The following DAB2IP variants were observed in gnomAD, a reference collection of about 807,000 sequenced individuals.
DAB2IP encodes DAB2 interacting protein, also known as disabled homolog 2-interacting protein.
DAB2IP carries 28 observed loss-of-function variants against 107.2 expected under a neutral mutation model. The ratio of observed to expected loss-of-function variants is 0.26; its 90% CI spans 0.19 to 0.36. DAB2IP has a LOEUF of 0.36. Among genes scored for constraint, DAB2IP ranks in the 10% least tolerant of loss-of-function variants. DAB2IP has a pLI of 1.00. For synonymous variants in DAB2IP, 755 were observed against 706.4 expected (o/e 1.07, Z -1.09); for missense variants, 1,400 against 1,644.7 (o/e 0.85, Z 2.57).
At chr9:121,729,494 C>T (rs1805120055) in intron 3 of DAB2IP, among the ~76,000 whole-genome samples, 2 of 152,190 alleles carry the variant, frequency 1.3e-5, no homozygotes, top group Non-Finnish European at 2.9e-5. Context: ...GGCAGCAGCT[C>T]CTCCATGTTC....
intron 3 of DAB2IP, among the ~76,000 whole-genome samples, chr9:121,743,583 G>A (rs1281041558): frequency 7.9e-5 from 12 of 152,228 alleles, no homozygotes; most frequent in Admixed American, 6.5e-4. Context: ...TAGTCCCAGC[G>A]GACAGGGCTG....
At chr9:121,595,146 C>A (rs1830501773) in intron 1 of DAB2IP, among the ~76,000 whole-genome samples, 1 of 151,978 alleles carries the variant, frequency 6.6e-6, no homozygotes, top group Admixed American at 6.6e-5. Flanking sequence ...CTAGGTATTT[C>A]CCAGAAAGGA....
intron 1 of DAB2IP, among the ~76,000 whole-genome samples, chr9:121,608,495 G>A (rs923150673): frequency 4.6e-5 from 7 of 152,186 alleles, no homozygotes; most frequent in Non-Finnish European, 8.8e-5. Flanking sequence ...GGCTCATGAT[G>A]GGCTTGGGGA....
At chr9:121,718,671 T>C (rs1830751237) in intron 3 of DAB2IP, among the ~76,000 whole-genome samples, 1 of 152,198 alleles carries the variant, frequency 6.6e-6, no homozygotes, top group African/African-American at 2.4e-5. Context: ...TTCATGGCAT[T>C]GTCAAGAGGA....
chr9:121,650,296 G>A (rs904316192), upstream of DAB2IP, among the ~76,000 whole-genome samples: 9 of 152,184 alleles, frequency 5.9e-5, no homozygotes, highest in African/African-American at 2.2e-4. Flanking sequence ...CCTCCCCCCT[G>A]GTCAGGGAAG....
chr9:121,638,763 G>A (rs1043431762), intron 1 of DAB2IP, among the ~76,000 whole-genome samples: 3 of 152,342 alleles, frequency 2.0e-5, no homozygotes, highest in Admixed American at 6.5e-5. Flanking sequence ...GGTCCCCAAA[G>A]GTAGAGATGG....
At chr9:121,694,406 T>C (rs927789440) in intron 2 of DAB2IP, among the ~76,000 whole-genome samples, 2 of 152,124 alleles carry the variant, frequency 1.3e-5, no homozygotes, top group Non-Finnish European at 2.9e-5. Flanking sequence ...CATCCTCTCC[T>C]AGGGTGGGAG....
intron 3 of DAB2IP, chr9:121,752,865 T>A (rs138439158): frequency 6.6e-6 from 1 of 152,370 alleles, no homozygotes; most frequent in East Asian, 1.9e-4. Context: ...CAGTGTTTTC[T>A]GGGTGAAGCA....
In DAB2IP at chr9:121,742,686, G is replaced by A. The variant is rs141077813; in HGVS notation, c.363-14327G>A. The A allele has an allele frequency of 3.8e-4, 372 of 970,814 alleles. 5 individuals carry two copies. In the African/African-American group the frequency reaches 6.2e-3, roughly 16 times the overall value. 60.1% of individuals were successfully genotyped at this position (970,814 alleles called of 1,614,324 possible). Reference sequence around the variant, plus strand: ...CTTGCCTGAGTCCTGGGCTTGGAAGGACGGTTGCCCCCATCTGCCTTGGTT... The same window carrying A: ...CTTGCCTGAGTCCTGGGCTTGGAAGAACGGTTGCCCCCATCTGCCTTGGTT... On this transcript the variant is annotated intron_variant, in intron 3 of 15. Transcript: ENST00000408936.
chr9:121,581,200 A>G lies in DAB2IP; in HGVS notation c.40+13972A>G, dbSNP rs1265083668. ...ACCTCTGGGAGCTCACAATCCCAGC[A>G]GGAGAAGCCTAGCCCAAGGAGGGAG... On this transcript the variant is annotated intron_variant, in intron 1 of 16. Transcript: ENST00000259371. Among the ~76,000 whole-genome samples, 5 of 152,306 alleles carry G rather than the reference A, an allele frequency of 3.3e-5. No individual in the cohort carries two copies. In the East Asian group the frequency reaches 9.7e-4, roughly 30 times the overall value.
intron 3 of DAB2IP, among the ~76,000 whole-genome samples, chr9:121,711,483 T>C (rs1007887834): frequency 2.0e-5 from 3 of 152,238 alleles, no homozygotes; most frequent in Non-Finnish European, 4.4e-5. Context: ...CTTTGTTTAA[T>C]CCAGGGTTTC....
At chr9:121,774,782 C>A (rs940275183) in intron 13 of DAB2IP, among the ~76,000 whole-genome samples, 1 of 152,070 alleles carries the variant, frequency 6.6e-6, no homozygotes, top group Non-Finnish European at 1.5e-5. Context: ...TAGAAGCCCC[C>A]CTGAGGGAAC....
intron 6 of DAB2IP, among the ~76,000 whole-genome samples, chr9:121,762,572 G>A (rs926225992): frequency 3.9e-5 from 6 of 152,164 alleles, no homozygotes; most frequent in Non-Finnish European, 7.3e-5. Context: ...CTGTTTTAAA[G>A]GACCCCAAGG....
chr9:121,763,453 C>T (rs964075085), intron 6 of DAB2IP, 52 bp from the exon 7 acceptor site: 1 of 1,566,160 alleles, frequency 6.4e-7, no homozygotes. Flanking sequence ...TCCTAGGGCC[C>T]TCCATGCCAG....
intron 1 of DAB2IP, among the ~76,000 whole-genome samples, chr9:121,657,591 G>A (rs1833021229): frequency 1.3e-5 from 2 of 152,184 alleles, no homozygotes; most frequent in South Asian, 2.1e-4. Context: ...TTTTCCTGTC[G>A]GGGTGGTGAA....
exon 1 of DAB2IP, chr9:121,567,163 G>A: frequency 1.2e-6 from 2 of 1,613,998 alleles, no homozygotes; most frequent in Non-Finnish European, 1.7e-6. Flanking sequence ...AATCAGGTGG[G>A]GCCAGGGGCT....
At position 121,725,168 on chromosome 9, in the gene DAB2IP, C is replaced by T. The variant is rs149475972; in HGVS notation, c.362+25710C>T. ...CATGGTGAGTGAGTGTGTGTGCGCG[C>T]GTGTGTATGTGTGTGTGTGTCCAGC... On this transcript the variant is annotated intron_variant, in intron 3 of 15. Coordinates refer to ENST00000408936, the Ensembl canonical transcript of DAB2IP. Among the ~76,000 whole-genome samples, 137 of 152,214 alleles carry T rather than the reference C, an allele frequency of 9.0e-4. 2 individuals carry two copies. Among genetic ancestry groups the T allele is most frequent in the Middle Eastern group, 6.8e-3 (2 of 294 alleles).
upstream of DAB2IP, among the ~76,000 whole-genome samples, chr9:121,650,228 G>T (rs970645251): frequency 1.3e-5 from 2 of 152,192 alleles, no homozygotes; most frequent in Non-Finnish European, 2.9e-5. Context: ...GGGGACCAGG[G>T]CAGCTGATAG....
chr9:121,686,228 G>T (rs968167491), intron 2 of DAB2IP, among the ~76,000 whole-genome samples: 1 of 152,208 alleles, frequency 6.6e-6, no homozygotes, highest in African/African-American at 2.4e-5. Flanking sequence ...GGCAGGGGTA[G>T]GGGGAAGAGC....
Sources: allele counts gnomAD v4.1 joint callset (sites outside exome capture counted in the v4.1 genomes callset), GRCh38; gene constraint gnomAD v4.1.1; transcripts MANE v1.5; gene names NCBI Gene and HGNC (gene_info 2026-07-23, HGNC 2026-07-21).